Variants in NAV2 observed in about 807,000 individuals in gnomAD.
The protein encoded by NAV2 is neuron navigator 2.
Under a neutral mutation model 223.2 loss-of-function variants are expected in NAV2, and 54 were observed. The ratio of observed to expected loss-of-function variants is 0.24; its 90% CI spans 0.19 to 0.30. NAV2 has a LOEUF of 0.30. NAV2 is among the 10% of genes least tolerant of loss of function. The pLI is 1.00. For synonymous variants in NAV2, 1,279 were observed against 1,239.3 expected (o/e 1.03, Z -0.67); for missense variants, 2,806 against 3,147.5 (o/e 0.89, Z 2.60).
At chr11:20,104,097 G>A (rs1377062830) in intron 34 of NAV2, 1 of 242,352 alleles carries the variant, frequency 4.1e-6, no homozygotes, top group Non-Finnish European at 8.0e-6. Context: ...GCGTCTCTCT[G>A]TCCCAAGTGA....
intron 1 of NAV2, among the ~76,000 whole-genome samples, chr11:19,716,705 C>A (rs2050342647): frequency 6.6e-6 from 1 of 152,194 alleles, no homozygotes; most frequent in African/African-American, 2.4e-5. Context: ...CATATAATCT[C>A]ATTTCATCTT....
intron 1 of NAV2, among the ~76,000 whole-genome samples, chr11:19,618,393 G>GATGGATGGATGGATGGATGGATGA: frequency 5.1e-5 from 1 of 19,772 alleles, no homozygotes; most frequent in Admixed American, 6.8e-4. Flanking sequence ...TGGATGGATG[G>GATGGATGGATGGATGGATGGATGA]ATGAATAGAT....
In NAV2 at chr11:19,484,158, A is replaced by C. The variant is rs542907324; in HGVS notation, c.75+133131A>C. The stretch of plus-strand genomic sequence containing the variant: ...CACACACACACACACACACACACAC[A>C]CCCCAAGTCTCAGAGCTTTCCAAGA... On this transcript the variant is annotated intron_variant, in intron 1 of 37. Transcript: ENST00000360655. 1.3e-3 allele frequency among the ~76,000 whole-genome samples: 201 copies of C among 150,076 alleles called. 1 individual carries two copies. The highest frequency in any genetic ancestry group is 3.4e-3 in the Middle Eastern group (1 of 292).
chr11:19,985,272 G>A (rs1429693583), intron 11 of NAV2, among the ~76,000 whole-genome samples: 1 of 152,206 alleles, frequency 6.6e-6, no homozygotes, highest in Non-Finnish European at 1.5e-5. Flanking sequence ...CACACCCAGA[G>A]ATGGAATTTG....
At chr11:19,714,631 C>T (rs1370960686) in intron 1 of NAV2, 6 of 370,172 alleles carry the variant, frequency 1.6e-5, no homozygotes, top group Admixed American at 1.3e-4. Context: ...GAGGTGGCTG[C>T]CTCAGAATGG....
chr11:19,526,230 A>T (rs1008734870), intron 1 of NAV2, among the ~76,000 whole-genome samples: 1 of 152,200 alleles, frequency 6.6e-6, no homozygotes, highest in Non-Finnish European at 1.5e-5. Flanking sequence ...AATGAGCAGA[A>T]CATGACTTCA....
At chr11:20,048,180 G>A (rs190025502) in intron 14 of NAV2, among the ~76,000 whole-genome samples, 8 of 152,242 alleles carry the variant, frequency 5.3e-5, no homozygotes, top group Non-Finnish European at 1.0e-4. Context: ...TTCCAGTTGC[G>A]TTTTCTATTG....
At chr11:20,077,950 C>G in intron 23 of NAV2, 43 bp from the exon 24 acceptor site, 1 of 1,497,164 alleles carries the variant, frequency 6.7e-7, no homozygotes, top group Non-Finnish European at 9.3e-7. Flanking sequence ...GAACTCTGTA[C>G]AGAATGATTT....
chr11:19,510,117 G>C (rs2043233191), intron 1 of NAV2, among the ~76,000 whole-genome samples: 1 of 152,228 alleles, frequency 6.6e-6, no homozygotes, highest in Non-Finnish European at 1.5e-5. Flanking sequence ...GGGACCAAGA[G>C]AGATTGTATA....
chr11:19,872,582 T>C (rs992208944), intron 4 of NAV2, among the ~76,000 whole-genome samples: 4 of 152,254 alleles, frequency 2.6e-5, no homozygotes, highest in Admixed American at 6.5e-5. Flanking sequence ...TGAGGCTCCT[T>C]CTCTGATGAA....
intron 1 of NAV2, among the ~76,000 whole-genome samples, chr11:19,810,508 C>T (rs554127028): frequency 1.1e-3 from 167 of 152,260 alleles, no homozygotes; most frequent in African/African-American, 3.8e-3. Flanking sequence ...CACGTATCTA[C>T]GAATATCCTA....
At chr11:20,107,621 C>A in intron 35 of NAV2, 43 bp from the exon 36 acceptor site, 1 of 1,470,000 alleles carries the variant, frequency 6.8e-7, no homozygotes, top group Non-Finnish European at 9.5e-7. Context: ...CCCCATCACC[C>A]ATGCCCATTT....
intron 6 of NAV2, among the ~76,000 whole-genome samples, chr11:19,929,474 G>A (rs2045116862): frequency 6.6e-6 from 1 of 152,050 alleles, no homozygotes; most frequent in Admixed American, 6.6e-5. Flanking sequence ...ATGCCCTAGT[G>A]CCCCCTATCT....
chr11:20,000,394 C>A (rs765763817), intron 11 of NAV2, among the ~76,000 whole-genome samples: 2 of 152,156 alleles, frequency 1.3e-5, no homozygotes, highest in African/African-American at 2.4e-5. Context: ...TTGAGGAGGG[C>A]CTCAGAGCAT....
intron 1 of NAV2, among the ~76,000 whole-genome samples, chr11:19,821,123 G>A (rs574926679): frequency 3.9e-5 from 6 of 152,196 alleles, no homozygotes; most frequent in Non-Finnish European, 5.9e-5. Context: ...TTACCCAGGC[G>A]TGGTGGCAGG....
chr11:19,553,802 G>A (rs565484701), intron 1 of NAV2, among the ~76,000 whole-genome samples: 61 of 152,330 alleles, frequency 4.0e-4, no homozygotes, highest in African/African-American at 1.4e-3. Context: ...GGGCTCCAGG[G>A]ACCCAGACTG....
intron 3 of NAV2, among the ~76,000 whole-genome samples, chr11:19,845,817 T>C (rs995943496): frequency 2.6e-5 from 4 of 152,138 alleles, no homozygotes; most frequent in East Asian, 1.9e-4. Flanking sequence ...GGGGCAGCAG[T>C]GCATAATCAT....
At chr11:19,516,032 A>G (rs1370744698) in intron 1 of NAV2, among the ~76,000 whole-genome samples, 1 of 152,224 alleles carries the variant, frequency 6.6e-6, no homozygotes, top group Admixed American at 6.5e-5. Flanking sequence ...ATTTCTTTAT[A>G]TGTGCAAGTG....
Position 19,393,769 on chromosome 11 carries a change from C to T in NAV2, c.75+42742C>T, listed in dbSNP as rs550281194. ...GATTTTCTTCTTTTTTCTCTCTCCT[C>T]TGTGCCTGGTTATTTTTCTTTCCTA... is the stretch of plus-strand genomic sequence containing the variant. On this transcript the variant is annotated intron_variant, in intron 1 of 37. Transcript: ENST00000360655. 9.8e-4 allele frequency among the ~76,000 whole-genome samples: 149 copies of T among 152,274 alleles called. 2 individuals are homozygous for T. Among genetic ancestry groups the T allele is most frequent in the Non-Finnish European group, 1.3e-4 (9 of 68,024 alleles).
Sources: allele counts gnomAD v4.1 joint callset (sites outside exome capture counted in the v4.1 genomes callset), GRCh38; gene constraint gnomAD v4.1.1; transcripts MANE v1.5; gene names NCBI Gene and HGNC (gene_info 2026-07-23, HGNC 2026-07-21).